The following OTC variants were observed in gnomAD, a reference collection of about 807,000 sequenced individuals.
OTC encodes the protein ornithine transcarbamylase, mitochondrial.
Under a neutral mutation model 30.3 loss-of-function variants are expected in OTC, and 3 were observed. That is an observed-to-expected ratio of 0.10 (90% CI 0.05 to 0.26). The LOEUF (loss-of-function observed/expected upper bound fraction) is 0.26, where lower values mean the gene tolerates loss of function less well. Among genes scored for constraint, OTC ranks in the 10% least tolerant of loss-of-function variants. The probability of loss-of-function intolerance (pLI) is 1.00; values close to 1 mark genes in which losing one functional copy is unlikely to be tolerated. For synonymous variants in OTC, 111 were observed against 99.7 expected, an observed-to-expected ratio of 1.11 and a Z score of -0.67; for missense variants, 194 against 260.3, an observed-to-expected ratio of 0.75 and a Z score of 1.75.
the OTC span, among the ~76,000 whole-genome samples, chrX:38,343,817 A>G: frequency 8.9e-6 from 1 of 112,347 alleles, no homozygotes. Flanking sequence ...TCTGTTCAGA[A>G]TTTTAGCCTT....
chrX:38,361,871 A>G (rs2068273234), intron 1 of OTC, among the ~76,000 whole-genome samples: 1 of 112,098 alleles, frequency 8.9e-6, no homozygotes, highest in Admixed American at 9.5e-5. Flanking sequence ...AAAGTCACAG[A>G]ACGATTACAA....
the OTC span, among the ~76,000 whole-genome samples, chrX:38,330,217 A>G: frequency 8.9e-6 from 1 of 111,924 alleles, no homozygotes; most frequent in Non-Finnish European, 1.9e-5. Context: ...GAGCGGAGGA[A>G]TGCAAGCAGC....
At chrX:38,352,125 T>C (rs1212318004), upstream of OTC, among the ~76,000 whole-genome samples, 1 of 112,511 alleles carries the variant, frequency 8.9e-6, no homozygotes, top group Non-Finnish European at 1.9e-5. Flanking sequence ...ACTGAGATAT[T>C]TTTACTATAC....
chrX:38,357,707 G>A (rs946550804), intron 1 of OTC, among the ~76,000 whole-genome samples: 31 of 112,713 alleles, frequency 2.8e-4, no homozygotes, highest in African/African-American at 9.7e-4. Flanking sequence ...TCTGCAAGTA[G>A]CAAATACTCT....
chrX:38,415,955 G>T (rs2068569119), intron 9 of OTC, among the ~76,000 whole-genome samples: 2 of 112,365 alleles, frequency 1.8e-5, no homozygotes, highest in Admixed American at 9.4e-5. Context: ...GTGGCTGGTG[G>T]CTACACTATT....
In OTC at chrX:38,352,674, G is replaced by A. The variant is rs768837843; in HGVS notation, c.-23G>A. ...GTGGAGTTTTCAAGGGCATAGAATCGTCCTTTACACAATTAAAAGAAGATG... is the reference window on the plus strand; with the variant it reads ...GTGGAGTTTTCAAGGGCATAGAATCATCCTTTACACAATTAAAAGAAGATG... On this transcript the variant is annotated 5_prime_UTR_variant, in exon 1 of 10. Coordinates refer to ENST00000039007, the MANE Select transcript of OTC (RefSeq NM_000531.6). 9 of 1,152,499 alleles carry A rather than the reference G, an allele frequency of 7.8e-6. No homozygotes were observed. The highest frequency in any genetic ancestry group is 2.2e-5 in the Admixed American group (1 of 45,922). 95.0% of individuals were successfully genotyped at this position (1,152,499 alleles called of 1,213,427 possible).
At chrX:38,384,005 A>C (rs1368372638) in intron 4 of OTC, among the ~76,000 whole-genome samples, 2 of 111,994 alleles carry the variant, frequency 1.8e-5, no homozygotes, top group East Asian at 5.6e-4. Context: ...AGGCAGAAGC[A>C]GGAAAATGAA....
chrX:38,342,499 G>T, the OTC span, among the ~76,000 whole-genome samples: 7 of 111,520 alleles, frequency 6.3e-5, 1 homozygote, highest in South Asian at 2.6e-3. Context: ...CACTGAGCTA[G>T]GTACTGTGCT....
intron 4 of OTC, among the ~76,000 whole-genome samples, chrX:38,388,640 G>C (rs1036558836): frequency 1.8e-5 from 2 of 111,489 alleles, no homozygotes; most frequent in East Asian, 2.8e-4. Context: ...AATGCTCAGC[G>C]TACTACTGAA....
chrX:38,341,854 G>A, the OTC span, among the ~76,000 whole-genome samples: 1 of 110,352 alleles, frequency 9.1e-6, no homozygotes, highest in Non-Finnish European at 1.9e-5. Flanking sequence ...AAAGAAGAAA[G>A]AAGAAAACAC....
the OTC span, among the ~76,000 whole-genome samples, chrX:38,343,149 T>C: frequency 3.6e-5 from 4 of 111,962 alleles, no homozygotes; most frequent in Non-Finnish European, 7.5e-5. Flanking sequence ...ATGAAAATTA[T>C]TACTGGGACA....
chrX:38,380,674 G>C (rs1295698862), intron 3 of OTC, among the ~76,000 whole-genome samples: 1 of 111,815 alleles, frequency 8.9e-6, no homozygotes. Flanking sequence ...AAAAGTAAAA[G>C]GGCCACTTTA....
the OTC span, among the ~76,000 whole-genome samples, chrX:38,345,734 T>C: frequency 9.1e-6 from 1 of 109,525 alleles, no homozygotes; most frequent in Non-Finnish European, 1.9e-5. Flanking sequence ...AGAGACAGAG[T>C]TTCACCATGT....
intron 4 of OTC, among the ~76,000 whole-genome samples, chrX:38,399,087 C>T (rs1343015654): frequency 1.8e-5 from 2 of 111,766 alleles, no homozygotes; most frequent in Non-Finnish European, 3.8e-5. Flanking sequence ...TGATATATTG[C>T]CTGGTTAGGA....
chrX:38,354,482 A>T (rs1411103155), intron 1 of OTC, among the ~76,000 whole-genome samples: 1 of 112,093 alleles, frequency 8.9e-6, no homozygotes, highest in Admixed American at 9.5e-5. Context: ...ATTGATTTTT[A>T]AAATAATTAT....
chrX:38,346,400 A>G, the OTC span, among the ~76,000 whole-genome samples: 1 of 112,447 alleles, frequency 8.9e-6, no homozygotes, highest in South Asian at 3.7e-4. Context: ...CAGTTTCTTC[A>G]ACAGTTAAAC....
At chrX:38,333,137 C>T in the OTC span, among the ~76,000 whole-genome samples, 3 of 105,547 alleles carry the variant, frequency 2.8e-5, no homozygotes, top group Non-Finnish European at 5.8e-5. Flanking sequence ...ATCACTTGAA[C>T]TCGGGAGGCG....
intron 3 of OTC, among the ~76,000 whole-genome samples, chrX:38,374,976 T>G (rs1199969636): frequency 8.9e-6 from 1 of 112,492 alleles, no homozygotes; most frequent in Non-Finnish European, 1.9e-5. Context: ...CTTCTTTCTG[T>G]TAGCAAAATG....
chrX:38,362,235 A>G (rs1213780772), intron 1 of OTC, among the ~76,000 whole-genome samples: 1 of 111,996 alleles, frequency 8.9e-6, no homozygotes. Flanking sequence ...ATAGTTAACA[A>G]TATGGTGTCG....
Sources: allele counts gnomAD v4.1 joint callset (sites outside exome capture counted in the v4.1 genomes callset), GRCh38; gene constraint gnomAD v4.1.1; transcripts MANE v1.5; gene names NCBI Gene and HGNC (gene_info 2026-07-23, HGNC 2026-07-21).